The following C1QL3 variants were observed in gnomAD, a reference collection of about 807,000 sequenced individuals.
C1QL3 encodes the protein complement C1q like 3.
Under a neutral mutation model 16.6 loss-of-function variants are expected in C1QL3, and 4 were observed. The observed-to-expected ratio is 0.24, with a 90% CI of 0.12 to 0.55. The LOEUF (loss-of-function observed/expected upper bound fraction) is 0.55, where lower values mean the gene tolerates loss of function less well. C1QL3 is among the 20% of genes least tolerant of loss of function. C1QL3 has a pLI of 0.94. For synonymous variants in C1QL3, 189 were observed against 160.2 expected (o/e 1.18, Z -1.36); for missense variants, 269 against 365.6 (o/e 0.74, Z 2.16).
Position 16,513,847 on chromosome 10 carries a change from T to G in C1QL3, c.*681A>C, listed in dbSNP as rs1045501244. Reference sequence around the variant, plus strand: ...CTTAGAGGGTAATCCTATGATACACTGTCAATCTCTATTTTTAAAGACTAT... The same window carrying G: ...CTTAGAGGGTAATCCTATGATACACGGTCAATCTCTATTTTTAAAGACTAT... On this transcript the variant is annotated 3_prime_UTR_variant, in exon 2 of 2. Transcript: ENST00000298943. 3 of 153,208 alleles carry G rather than the reference T, an allele frequency of 2.0e-5. No homozygotes were observed. The highest frequency in any genetic ancestry group is 7.2e-5 in the African/African-American group (3 of 41,472). The allele number at this position is 153,208 out of a possible 1,614,324, so 9.5% of individuals were successfully genotyped here.
Position 16,514,070 on chromosome 10 carries a change from C to A in C1QL3, c.*458G>T. The A allele has an allele frequency of 2.7e-6, 1 of 366,790 alleles. No individual in the cohort carries two copies. The allele number at this position is 366,790 out of a possible 1,614,324, so 22.7% of individuals were successfully genotyped here. A position where few individuals can be genotyped will look rare whatever the true frequency, so the allele number is the denominator to read the frequency against. ...GACAAGCAGCATTATTTCAATTAGACCTTCTCCTGCAGGGCAAAAATCATT... is the reference window on the plus strand; with the variant it reads ...GACAAGCAGCATTATTTCAATTAGAACTTCTCCTGCAGGGCAAAAATCATT... On this transcript the variant is annotated 3_prime_UTR_variant, in exon 2 of 2. Coordinates refer to ENST00000298943, the MANE Select transcript of C1QL3 (RefSeq NM_001010908.2).
chr10:16,514,181 C>T lies in C1QL3; in HGVS notation c.*347G>A, dbSNP rs770778745. The T allele has an allele frequency of 2.5e-6, 1 of 399,000 alleles. No homozygotes were observed. The highest frequency in any genetic ancestry group is 3.6e-5 in the East Asian group (1 of 28,118). 24.7% of individuals were successfully genotyped at this position (399,000 alleles called of 1,614,324 possible). ...AAAGCTGACATATGGATAAAAGCAG[C>T]AAGATCACAGTACACCAAAGTATCA... On this transcript the variant is annotated 3_prime_UTR_variant, in exon 2 of 2. Coordinates refer to ENST00000298943, the MANE Select transcript of C1QL3 (RefSeq NM_001010908.2).
rs1836906825 is a variant in C1QL3 at position 16,513,917 on chromosome 10, T to C, written c.*611A>G. On this transcript the variant is annotated 3_prime_UTR_variant, in exon 2 of 2. Coordinates refer to ENST00000298943, the MANE Select transcript of C1QL3 (RefSeq NM_001010908.2). Reference sequence around the variant, plus strand: ...GAAAATTCATATAAGAAAAAGAAAATGTGAAAAAGATCATAGGCTTGGGAA... The same window carrying C: ...GAAAATTCATATAAGAAAAAGAAAACGTGAAAAAGATCATAGGCTTGGGAA... 6.0e-6 allele frequency: 1 copy of C among 167,510 alleles called. No homozygotes were observed. Among genetic ancestry groups the C allele is most frequent in the Non-Finnish European group, 1.3e-5 (1 of 78,364 alleles). 10.4% of individuals were successfully genotyped at this position (167,510 alleles called of 1,614,324 possible).
At chr10:16,517,007 A>G (rs1394617691) in intron 1 of C1QL3, among the ~76,000 whole-genome samples, 1 of 152,202 alleles carries the variant, frequency 6.6e-6, no homozygotes, top group Non-Finnish European at 1.5e-5. Context: ...ATATAACAGG[A>G]CTTGAAATTT....
At position 16,514,709 on chromosome 10, in the gene C1QL3, TA is replaced by T. The variant is rs762420617; in HGVS notation, c.589-3del. 3 of 1,604,566 alleles carry T rather than the reference TA, an allele frequency of 1.9e-6. No homozygotes were observed. The highest frequency in any genetic ancestry group is 2.6e-6 in the Non-Finnish European group (3 of 1,175,974). On this transcript the variant is annotated splice_region_variant and splice_polypyrimidine_tract_variant and intron_variant, in intron 1 of 1. Transcript: ENST00000298943. ...TTGGGCAATTGCACTAGCACGCACC[TA>T]TGTGAAACAGACAAGAATTAGGATG...
Position 16,520,423 on chromosome 10 carries a change from G to T in C1QL3, c.588+55C>A, listed in dbSNP as rs1837022421. The T allele has an allele frequency of 1.2e-5, 16 of 1,327,650 alleles. No individual in the cohort carries two copies. In the Admixed American group the frequency reaches 2.0e-4, roughly 16 times the overall value. The allele number at this position is 1,327,650 out of a possible 1,614,324, so 82.2% of individuals were successfully genotyped here. A position where few individuals can be genotyped will look rare whatever the true frequency, so the allele number is the denominator to read the frequency against. On this transcript the variant is annotated intron_variant, in intron 1 of 1. Transcript: ENST00000298943. The surrounding 1 kb of genome is among the most constrained non-coding windows in gnomAD (Gnocchi z 8.3). ...CCATTTCCGGGGTCTCCTCCCTCTC[G>T]CCCGCACCTTCCCGCGCTCCCTCCC...
Position 16,520,363 on chromosome 10 carries a change from C to G in C1QL3, c.588+115G>C, listed in dbSNP as rs924284156. The stretch of plus-strand genomic sequence containing the variant: ...CCCCTTGCCGTCGCTCCAGGGAGCC[C>G]GGCCGCCGCGCCCTTCCTCCGCGGG... On this transcript the variant is annotated intron_variant, in intron 1 of 1. Coordinates refer to ENST00000298943, the MANE Select transcript of C1QL3 (RefSeq NM_001010908.2). The surrounding 1 kb of genome is among the most constrained non-coding windows in gnomAD (Gnocchi z 8.3). 8.4e-6 allele frequency: 7 copies of G among 833,814 alleles called. No homozygotes were observed. The highest frequency in any genetic ancestry group is 3.6e-5 in the South Asian group (2 of 56,276). The allele number at this position is 833,814 out of a possible 1,614,324, so 51.7% of individuals were successfully genotyped here. A position where few individuals can be genotyped will look rare whatever the true frequency, so the allele number is the denominator to read the frequency against.
chr10:16,521,178 G>A lies in C1QL3; in HGVS notation c.-113C>T. The stretch of plus-strand genomic sequence containing the variant: ...GGACAGAATTTTGAAGGTTGGGCGG[G>A]GACCTCTTCAGAGCCGAAAACAACC... On this transcript the variant is annotated 5_prime_UTR_variant, in exon 1 of 2. Transcript: ENST00000298943. The A allele has an allele frequency of 2.9e-6, 3 of 1,049,994 alleles. No individual in the cohort carries two copies. The highest frequency in any genetic ancestry group is 4.1e-6 in the Non-Finnish European group (3 of 727,750). 65.0% of individuals were successfully genotyped at this position (1,049,994 alleles called of 1,614,324 possible). A position where few individuals can be genotyped will look rare whatever the true frequency, so the allele number is the denominator to read the frequency against.
In C1QL3 at chr10:16,514,438, A is replaced by G; in HGVS notation, c.*90T>C. 2 of 1,112,134 alleles carry G rather than the reference A, an allele frequency of 1.8e-6. No homozygotes were observed. The highest frequency in any genetic ancestry group is 2.6e-6 in the Non-Finnish European group (2 of 755,486). 68.9% of individuals were successfully genotyped at this position (1,112,134 alleles called of 1,614,324 possible). ...ATATACACAACTGAGGTGCCCTGCC[A>G]TTGGCATCCCCTGGGATCCTTGATT... On this transcript the variant is annotated 3_prime_UTR_variant, in exon 2 of 2. Coordinates refer to ENST00000298943, the MANE Select transcript of C1QL3 (RefSeq NM_001010908.2).
At chr10:16,519,830 C>T (rs1356251039) in intron 1 of C1QL3, among the ~76,000 whole-genome samples, 1 of 152,212 alleles carries the variant, frequency 6.6e-6, no homozygotes, top group African/African-American at 2.4e-5. Flanking sequence ...TATCAGCACT[C>T]CTTGCCTCTC....
At position 16,521,481 on chromosome 10, in the gene C1QL3, ATG is replaced by A. The variant is rs2133543996; in HGVS notation, c.-418_-417del. ...GCTCGCCCGGGCAGCTCACACTTTT[ATG>A]CCGCCGCCGCCTGCGATCGACTTTT... On this transcript the variant is annotated 5_prime_UTR_variant, in exon 1 of 2. Transcript: ENST00000298943. 1 of 159,204 alleles carries A rather than the reference ATG, an allele frequency of 6.3e-6. No individual in the cohort carries two copies. Among genetic ancestry groups the A allele is most frequent in the South Asian group, 2.0e-4 (1 of 4,880 alleles). 9.9% of individuals were successfully genotyped at this position (159,204 alleles called of 1,614,324 possible).
chr10:16,514,333 T>G lies in C1QL3; in HGVS notation c.*195A>C, dbSNP rs1456882825. ...CTTTGGCGGTAGTGGATCACACATC[T>G]GCTTATCTTGCTTTGATATTTTTTA... On this transcript the variant is annotated 3_prime_UTR_variant, in exon 2 of 2. Transcript: ENST00000298943. The G allele has an allele frequency of 3.4e-6, 2 of 589,532 alleles. No homozygotes were observed. The highest frequency in any genetic ancestry group is 3.0e-6 in the Non-Finnish European group (1 of 333,696). The allele number at this position is 589,532 out of a possible 1,614,324, so 36.5% of individuals were successfully genotyped here.
At position 16,516,119 on chromosome 10, in the gene C1QL3, G is replaced by A. The variant is rs117891569; in HGVS notation, c.589-1412C>T. Among the ~76,000 whole-genome samples the A allele has an allele frequency of 1.2e-4, 19 of 152,226 alleles. No homozygotes were observed. The East Asian group carries it at 3.1e-3, about 25-fold the overall frequency. On this transcript the variant is annotated intron_variant, in intron 1 of 1. Coordinates refer to ENST00000298943, the MANE Select transcript of C1QL3 (RefSeq NM_001010908.2). Reference sequence around the variant, plus strand: ...TAGTATCTTTAAAGTGTCTTTCTGGGTATCACATAGCAAAAGGAGAAAATG... The same window carrying A: ...TAGTATCTTTAAAGTGTCTTTCTGGATATCACATAGCAAAAGGAGAAAATG...
At chr10:16,517,876 C>A (rs144102468) in intron 1 of C1QL3, among the ~76,000 whole-genome samples, 6 of 152,278 alleles carry the variant, frequency 3.9e-5, no homozygotes, top group African/African-American at 1.4e-4. Flanking sequence ...AGTGGCACAT[C>A]AGGTTAATTT....
chr10:16,516,974 G>C (rs1033852418), intron 1 of C1QL3, among the ~76,000 whole-genome samples: 1 of 152,142 alleles, frequency 6.6e-6, no homozygotes, highest in African/African-American at 2.4e-5. Context: ...TGGTATGGCT[G>C]CTCACCTGAT....
intron 1 of C1QL3, among the ~76,000 whole-genome samples, chr10:16,517,354 A>G (rs989827298): frequency 5.3e-5 from 8 of 152,228 alleles, no homozygotes; most frequent in African/African-American, 1.9e-4. Flanking sequence ...ATCCTTTTAA[A>G]AATATTTCAT....
At chr10:16,515,806 T>G (rs1057272635) in intron 1 of C1QL3, among the ~76,000 whole-genome samples, 5 of 152,196 alleles carry the variant, frequency 3.3e-5, no homozygotes, top group Non-Finnish European at 7.4e-5. Context: ...CTTGTTTCAT[T>G]TCTATTCCAC....
rs1478121557 is a variant in C1QL3, at chr10:16,520,595, G to A, written c.471C>T (p.Asp157=). The A allele has an allele frequency of 1.5e-5, 25 of 1,613,664 alleles. No homozygotes were observed. The highest frequency in any genetic ancestry group is 2.0e-5 in the Non-Finnish European group (24 of 1,179,824). The part of the protein sequence containing the change: ...DVVTNLGNHY[D]PTTGKFTCSI... ...AGCAGGTGAACTTGCCGGTGGTGGG[G>A]TCGTAGTGGTTTCCGAGGTTGGTGA... The change falls in exon 1 of 2, where the codon GAC becomes GAT. Residue 157 remains aspartate (D), a synonymous_variant. Coordinates refer to ENST00000298943, the MANE Select transcript of C1QL3 (RefSeq NM_001010908.2). This position sits in a 1 kb window ranked among gnomAD's most constrained non-coding sequence, Gnocchi z 8.3.
intron 1 of C1QL3, among the ~76,000 whole-genome samples, chr10:16,515,822 T>C (rs1481602730): frequency 5.9e-5 from 9 of 152,182 alleles, no homozygotes. Flanking sequence ...TCCACTATAA[T>C]GATATTTCCC....
Sources: gnomAD v4.1 joint callset for allele counts (sites outside exome capture counted in the v4.1 genomes callset) on GRCh38, gnomAD v4.1.1 for gene constraint, Gnocchi (gnomAD v3.1) non-coding constraint, MANE v1.5 for transcripts, NCBI Gene and HGNC (gene_info 2026-07-23, HGNC 2026-07-21) for gene names.